Variants in CPLX2 observed in about 807,000 individuals in gnomAD.
CPLX2 encodes complexin 2.
In CPLX2, 5 loss-of-function variants were observed where a neutral mutation model predicts 16.3. The observed-to-expected ratio is 0.31, with a 90% CI of 0.16 to 0.64. The LOEUF (loss-of-function observed/expected upper bound fraction) is 0.64. Among genes scored for constraint, CPLX2 ranks in the 30% least tolerant of loss-of-function variants. The pLI, the probability that CPLX2 is intolerant of heterozygous loss-of-function variation, is 0.79. For synonymous variants in CPLX2, 89 were observed against 73.2 expected, an observed-to-expected ratio of 1.22 and a Z score of -1.10; for missense variants, 144 against 181.4, an observed-to-expected ratio of 0.79 and a Z score of 1.18.
At chr5:175,846,603 AC>A (rs1309131874) in intron 2 of CPLX2, among the ~76,000 whole-genome samples, 3 of 152,254 alleles carry the variant, frequency 2.0e-5, no homozygotes, top group African/African-American at 7.2e-5. Context: ...CTACACCCAG[AC>A]TCAGAGGGAC....
intron 1 of CPLX2, among the ~76,000 whole-genome samples, chr5:175,799,539 C>CATATATATATTTATATATATTTAT (rs1227041477): frequency 2.4e-4 from 17 of 72,258 alleles, no homozygotes; most frequent in African/African-American, 6.7e-4. Context: ...TTGCAAATTT[C>CATATATATATTTATATATATTTAT]ATATATATAT....
intron 1 of CPLX2, among the ~76,000 whole-genome samples, chr5:175,876,121 G>A (rs909978240): frequency 7.2e-5 from 11 of 152,066 alleles, no homozygotes; most frequent in Admixed American, 3.3e-4. Flanking sequence ...ATTTTCCTAC[G>A]CATGTGTGCA....
chr5:175,846,198 AC>A (rs2113673771), intron 2 of CPLX2, among the ~76,000 whole-genome samples: 1 of 152,118 alleles, frequency 6.6e-6, no homozygotes, highest in Non-Finnish European at 1.5e-5. Context: ...GCCATTCTGC[AC>A]CCCCTGATTC....
chr5:175,803,129 G>A lies in CPLX2; in HGVS notation c.-168-5860G>A, dbSNP rs188936794. On this transcript the variant is annotated intron_variant, in intron 1 of 4. Transcript: ENST00000359546. ...CAGGCATGAGCCACCCAGAGTGCTC[G>A]GCCCAAATGTGCTTTCAATTGTGAC... 2.3e-3 allele frequency among the ~76,000 whole-genome samples: 347 copies of A among 152,222 alleles called. 1 individual carries two copies. The highest frequency in any genetic ancestry group is 8.0e-3 in the African/African-American group (331 of 41,556).
intron 1 of CPLX2, chr5:175,805,480 G>A (rs1394864176): frequency 6.6e-6 from 1 of 152,270 alleles, no homozygotes; most frequent in African/African-American, 2.4e-5. Context: ...GAAGAAACGT[G>A]TCCAAGATCA....
At chr5:175,876,144 C>G (rs1403285398) in intron 1 of CPLX2, among the ~76,000 whole-genome samples, 1 of 152,332 alleles carries the variant, frequency 6.6e-6, no homozygotes, top group East Asian at 1.9e-4. Context: ...TACCCCCACA[C>G]TCACATACAC....
At chr5:175,871,433 CAGAGAGAGAGAGAGAGAGAG>C (rs1224968162), upstream of CPLX2, 2 of 27,516 alleles carry the variant, frequency 7.3e-5, no homozygotes, top group Non-Finnish European at 1.3e-4. Context: ...GAGAGAGAGA[CAGAGAGAGAGAGAGAGAGAG>C]AGAGAGAGAG....
intron 2 of CPLX2, among the ~76,000 whole-genome samples, chr5:175,815,457 G>A (rs929759742): frequency 6.6e-6 from 1 of 152,164 alleles, no homozygotes; most frequent in Non-Finnish European, 1.5e-5. Context: ...TCCAGGGAGT[G>A]GAGTTACCAC....
intron 2 of CPLX2, among the ~76,000 whole-genome samples, chr5:175,829,851 G>A (rs1581080472): frequency 6.6e-6 from 1 of 152,196 alleles, no homozygotes; most frequent in African/African-American, 2.4e-5. Context: ...GGACTCTCAC[G>A]CAGACCTAGC....
In CPLX2 at chr5:175,800,981, G is replaced by A. The variant is rs181836638; in HGVS notation, c.-169+4197G>A. 4.6e-5 allele frequency among the ~76,000 whole-genome samples: 7 copies of A among 152,300 alleles called. No individual in the cohort carries two copies. In the East Asian group the frequency reaches 1.4e-3, roughly 29 times the overall value. On this transcript the variant is annotated intron_variant, in intron 1 of 4. Transcript: ENST00000359546. ...ATCGCTCTGGCAGAGGCCCTAATGTGAGCCTGGACTGCATGGGGACAGATG... is the reference window on the plus strand; with the variant it reads ...ATCGCTCTGGCAGAGGCCCTAATGTAAGCCTGGACTGCATGGGGACAGATG...
intron 2 of CPLX2, among the ~76,000 whole-genome samples, chr5:175,860,834 G>C (rs1759359908): frequency 1.3e-5 from 2 of 152,268 alleles, no homozygotes; most frequent in Admixed American, 6.5e-5. Flanking sequence ...CACAAAGACT[G>C]AGGGTGGAAG....
In CPLX2 at chr5:175,880,738, G is replaced by A. The variant is rs142252504; in HGVS notation, c.*693G>A. The A allele has an allele frequency of 4.1e-3, 626 of 153,202 alleles. 3 individuals carry two copies. Among genetic ancestry groups the A allele is most frequent in the Admixed American group, 0.012 (183 of 15,358 alleles). The allele number at this position is 153,202 out of a possible 1,614,324, so 9.5% of individuals were successfully genotyped here. On this transcript the variant is annotated 3_prime_UTR_variant, in exon 4 of 4. Transcript: ENST00000393745. ...TTGTGGAGGAACCCCAGGTAGGGAC[G>A]CCCCTTGTTCCTCACCCCCACCCCA...
Position 175,849,640 on chromosome 5 carries a change from G to A in CPLX2, c.-88-29012G>A, listed in dbSNP as rs972426015. Among the ~76,000 whole-genome samples, 7 of 152,258 alleles carry A rather than the reference G, an allele frequency of 4.6e-5. 1 individual carries two copies. In the South Asian group the frequency reaches 1.5e-3, roughly 32 times the overall value. On this transcript the variant is annotated intron_variant, in intron 2 of 4. Transcript: ENST00000359546. This position sits in a 1 kb window ranked among gnomAD's most constrained non-coding sequence, Gnocchi z 4.4. ...AGAGAAGAGGAGAGGCTCCTGGAGA[G>A]AAGCCCTCTGCCGCAGGTCCTCGTT...
At chr5:175,875,166 G>T (rs1759728663) in intron 1 of CPLX2, among the ~76,000 whole-genome samples, 1 of 152,198 alleles carries the variant, frequency 6.6e-6, no homozygotes, top group Non-Finnish European at 1.5e-5. Flanking sequence ...AAGATGTGGA[G>T]ATACCATGTG....
chr5:175,818,605 C>G (rs903693837), intron 2 of CPLX2, among the ~76,000 whole-genome samples: 58 of 149,078 alleles, frequency 3.9e-4, no homozygotes, highest in African/African-American at 1.3e-3. Context: ...CCTTTGCTCC[C>G]CTTTCCAGTC....
At chr5:175,868,642 T>C (rs1759522212), upstream of CPLX2, among the ~76,000 whole-genome samples, 1 of 151,472 alleles carries the variant, frequency 6.6e-6, no homozygotes, top group Non-Finnish European at 1.5e-5. Context: ...ATGAAGGAAA[T>C]GCTGGCAACC....
intron 2 of CPLX2, among the ~76,000 whole-genome samples, chr5:175,826,498 C>T (rs968811895): frequency 1.3e-5 from 2 of 152,178 alleles, no homozygotes; most frequent in African/African-American, 4.8e-5. Flanking sequence ...GAGAATCAAA[C>T]TGGAAGCAGA....
At chr5:175,821,734 C>A (rs1443798406) in intron 2 of CPLX2, among the ~76,000 whole-genome samples, 18 of 152,226 alleles carry the variant, frequency 1.2e-4, no homozygotes, top group Non-Finnish European at 2.5e-4. Flanking sequence ...TTGGGACACT[C>A]ATTTCCTTCA....
intron 2 of CPLX2, among the ~76,000 whole-genome samples, chr5:175,844,842 C>T (rs1247963269): frequency 6.6e-6 from 1 of 152,254 alleles, no homozygotes; most frequent in East Asian, 1.9e-4. Flanking sequence ...GACGACCAAA[C>T]AGCACGTTTG....
Sources: gnomAD v4.1 joint callset for allele counts (sites outside exome capture counted in the v4.1 genomes callset) on GRCh38, gnomAD v4.1.1 for gene constraint, Gnocchi (gnomAD v3.1) non-coding constraint, MANE v1.5 for transcripts, NCBI Gene and HGNC (gene_info 2026-07-23, HGNC 2026-07-21) for gene names.